SLC12A9: variants seen among roughly 807,000 people sequenced by gnomAD.
SLC12A9 encodes solute carrier family 12 member 9.
A neutral mutation model predicts 66.0 loss-of-function variants in SLC12A9; 55 were observed. The ratio of observed to expected loss-of-function variants is 0.83; its 90% CI spans 0.67 to 1.04. The LOEUF is 1.04. SLC12A9 is among the 50% of genes least tolerant of loss of function. The pLI, the probability that SLC12A9 is intolerant of heterozygous loss-of-function variation, is 0.00. For synonymous variants in SLC12A9, 577 were observed against 569.0 expected (o/e 1.01, Z -0.20); for missense variants, 1,061 against 1,241.9 (o/e 0.85, Z 2.19).
intron 12 of SLC12A9, 145 bp downstream of exon 12, chr7:100,862,056 T>A (rs945106679): frequency 7.4e-6 from 6 of 809,946 alleles, no homozygotes; most frequent in Admixed American, 3.0e-5. Flanking sequence ...ACCTCCCAGG[T>A]TCAAGTAATT....
In SLC12A9 at chr7:100,865,794, C is replaced by T. The variant is rs375738065; in HGVS notation, c.1934C>T (p.Pro645Leu). Residue 645 changes from proline (P) to leucine (L), a missense_variant, in exon 14 of 14, where the codon CCG becomes CTG. Physicochemically the swap from Pro to Leu is moderately conservative, Grantham distance 98. Transcript: ENST00000354161. ...APPQDHFLTD[P>L]AFSEPADSTR... ...CCGCAGGACCATTTCCTGACGGACC[C>T]GGCTTTCTCTGAGCCTGCAGACAGC... is the stretch of plus-strand genomic sequence containing the variant. 1.6e-5 allele frequency: 26 copies of T among 1,613,926 alleles called. No individual in the cohort carries two copies. In the Admixed American group the frequency reaches 3.8e-4, roughly 24 times the overall value.
chr7:100,859,306 C>A, intron 7 of SLC12A9, 145 bp downstream of exon 7: 1 of 723,684 alleles, frequency 1.4e-6, no homozygotes, highest in Non-Finnish European at 2.4e-6. Flanking sequence ...AACCTATAGC[C>A]AGCAGCTGCC....
chr7:100,862,419 T>C (rs1429114143), intron 12 of SLC12A9, among the ~76,000 whole-genome samples: 1 of 152,184 alleles, frequency 6.6e-6, no homozygotes, highest in Non-Finnish European at 1.5e-5. Flanking sequence ...CCACCAGGCC[T>C]GGCTCATTTG....
chr7:100,861,972 T>C lies in SLC12A9; in HGVS notation c.1711+61T>C. On this transcript the variant is annotated intron_variant, in intron 12 of 13. Transcript: ENST00000354161. This position sits in a 1 kb window ranked among gnomAD's most constrained non-coding sequence, Gnocchi z 5.3. ...CCTTCTCTCCCCCTACCTTTTTTTT[T>C]TTTTTGAGATGGAGCTTCGTTCTGT... The C allele has an allele frequency of 6.8e-7, 1 of 1,476,512 alleles. No homozygotes were observed. The highest frequency in any genetic ancestry group is 9.0e-7 in the Non-Finnish European group (1 of 1,111,088). 91.5% of individuals were successfully genotyped at this position (1,476,512 alleles called of 1,614,324 possible).
chr7:100,841,386 T>A (rs1035958124), intron 1 of SLC12A9, among the ~76,000 whole-genome samples: 2 of 151,866 alleles, frequency 1.3e-5, no homozygotes, highest in South Asian at 4.2e-4. Flanking sequence ...TAAGGAGGCA[T>A]AAGAATGTAC....
At chr7:100,842,994 G>A (rs1584682084) in intron 1 of SLC12A9, among the ~76,000 whole-genome samples, 2 of 152,348 alleles carry the variant, frequency 1.3e-5, no homozygotes, top group African/African-American at 4.8e-5. Flanking sequence ...CTACAGGGAG[G>A]AAACTTAGCA....
chr7:100,865,006 G>A (rs1295954370), intron 13 of SLC12A9, among the ~76,000 whole-genome samples: 2 of 151,960 alleles, frequency 1.3e-5, no homozygotes, highest in Admixed American at 1.3e-4. Context: ...TGCCCAGGCT[G>A]GAGTGCAGTG....
At chr7:100,842,987 C>T (rs762436087) in intron 1 of SLC12A9, among the ~76,000 whole-genome samples, 1 of 152,260 alleles carries the variant, frequency 6.6e-6, no homozygotes, top group Non-Finnish European at 1.5e-5. Flanking sequence ...TCTCTCACTA[C>T]AGGGAGGAAA....
intron 8 of SLC12A9, 51 bp downstream of exon 8, chr7:100,860,093 C>T (rs755650208): frequency 1.0e-4 from 161 of 1,613,808 alleles, no homozygotes; most frequent in Non-Finnish European, 1.3e-4. Context: ...CCTTGTCTGT[C>T]TCTCCGTCCC....
chr7:100,838,413 C>T (rs1180544245), intron 1 of SLC12A9, among the ~76,000 whole-genome samples: 1 of 152,126 alleles, frequency 6.6e-6, no homozygotes, highest in Non-Finnish European at 1.5e-5. Flanking sequence ...TAGTGGGGCA[C>T]GCGCAGGAGG....
At position 100,861,430 on chromosome 7, in the gene SLC12A9, TGGG is replaced by T; in HGVS notation, c.1385_1387del (p.Gly462del). ...CTGTTCTCCTGGCACACCTGCCTGC[TGGG>T]GGTGGCCTCCTGCCTGCTCATGATG... On this transcript the variant is annotated inframe_deletion, in exon 11 of 14. Coordinates refer to ENST00000354161, the MANE Select transcript of SLC12A9 (RefSeq NM_020246.4). The surrounding 1 kb of genome is among the most constrained non-coding windows in gnomAD (Gnocchi z 5.3). The T allele has an allele frequency of 6.2e-7, 1 of 1,613,792 alleles. No individual in the cohort carries two copies.
chr7:100,859,042 C>G lies in SLC12A9; in HGVS notation c.866-8C>G, dbSNP rs540146422. On this transcript the variant is annotated splice_region_variant and splice_polypyrimidine_tract_variant and intron_variant, in intron 6 of 13. Transcript: ENST00000354161. ...GCTGACCTCACTCCCTCTGCTCCCC[C>G]TCTCCAGGGGAGCTGAAGGACCCCA... 5.0e-6 allele frequency: 8 copies of G among 1,612,272 alleles called. No homozygotes were observed. The highest frequency in any genetic ancestry group is 2.2e-5 in the East Asian group (1 of 44,878).
At chr7:100,858,618 G>A (rs776488120) in intron 5 of SLC12A9, 63 of 500,036 alleles carry the variant, frequency 1.3e-4, no homozygotes, top group Non-Finnish European at 2.0e-4. Context: ...ATAAAAGAGC[G>A]TGGATTAGGG....
chr7:100,857,012 T>G lies in SLC12A9; in HGVS notation c.593T>G (p.Leu198Arg). 6.2e-7 allele frequency: 1 copy of G among 1,614,178 alleles called. No individual in the cohort carries two copies. The highest frequency in any genetic ancestry group is 8.5e-7 in the Non-Finnish European group (1 of 1,180,024). ...LYARASFLTF[L>R]LVSGSLASVL... ...GCCCGGGCCTCATTCCTCACATTCC[T>G]GCTGGTCTCTGGCTCCCTGGCCTCT... The change falls in exon 5 of 14, where the codon CTG becomes CGG. Residue 198 changes from leucine to arginine, a missense_variant. Leu to Arg is a moderately radical substitution (Grantham distance 102). Coordinates refer to ENST00000354161, the MANE Select transcript of SLC12A9 (RefSeq NM_020246.4).
chr7:100,834,611 G>T (rs1268205795), intron 1 of SLC12A9, among the ~76,000 whole-genome samples: 1 of 152,002 alleles, frequency 6.6e-6, no homozygotes, highest in Admixed American at 6.6e-5. Context: ...GGTTGGGTGC[G>T]GTGGCTCACA....
chr7:100,827,643 A>C (rs1271438737), intron 1 of SLC12A9: 1 of 152,094 alleles, frequency 6.6e-6, no homozygotes, highest in Non-Finnish European at 1.5e-5. Context: ...GCTACTGAAT[A>C]ATTCATGAGG....
At chr7:100,836,865 G>A (rs921065465) in intron 1 of SLC12A9, among the ~76,000 whole-genome samples, 3 of 151,832 alleles carry the variant, frequency 2.0e-5, no homozygotes, top group African/African-American at 7.3e-5. Context: ...GAATGGGGTG[G>A]GGGAGGGTGG....
rs1176422212 is a variant in SLC12A9 at position 100,866,888 on chromosome 7, TGA to T, written c.*284_*285del. On this transcript the variant is annotated 3_prime_UTR_variant, in exon 14 of 14. Transcript: ENST00000354161. This position sits in a 1 kb window ranked among gnomAD's most constrained non-coding sequence, Gnocchi z 7.3. ...GATGCTAGGGGCCAGGCCTCCTCTG[TGA>T]CTCTGGGCTACCTCAGTTTCCCCAT... The T allele has an allele frequency of 2.6e-6, 1 of 386,426 alleles. No individual in the cohort carries two copies. The allele number at this position is 386,426 out of a possible 1,614,324, so 23.9% of individuals were successfully genotyped here. A position where few individuals can be genotyped will look rare whatever the true frequency, so the allele number is the denominator to read the frequency against.
chr7:100,829,262 A>ACAGAC (rs1437875679), intron 1 of SLC12A9, among the ~76,000 whole-genome samples: 1 of 152,148 alleles, frequency 6.6e-6, no homozygotes, highest in Non-Finnish European at 1.5e-5. Context: ...TGCTGGGATT[A>ACAGAC]CAGACGTTAG....
Sources: gnomAD v4.1 joint callset for allele counts (sites outside exome capture counted in the v4.1 genomes callset) on GRCh38, gnomAD v4.1.1 for gene constraint, Gnocchi (gnomAD v3.1) non-coding constraint, MANE v1.5 for transcripts, NCBI Gene and HGNC (gene_info 2026-07-23, HGNC 2026-07-21) for gene names.